The following WASHC4 variants were observed in gnomAD, a reference collection of about 807,000 sequenced individuals.
WASHC4 encodes WASH complex subunit 4.
In WASHC4, 86 loss-of-function variants were observed where a neutral mutation model predicts 166.6. The observed-to-expected ratio is 0.52, with a 90% CI of 0.43 to 0.62. The LOEUF (loss-of-function observed/expected upper bound fraction) is 0.62, where lower values mean the gene tolerates loss of function less well. WASHC4 is among the 20% of genes least tolerant of loss of function. WASHC4 has a pLI of 0.00. For missense variants in WASHC4, 1,262 were observed against 1,382.4 expected, an observed-to-expected ratio of 0.91 and a Z score of 1.38; for synonymous variants, 446 against 451.6, an observed-to-expected ratio of 0.99 and a Z score of 0.16.
intron 4 of WASHC4, 65 bp downstream of exon 4, chr12:105,114,492 A>G: frequency 3.0e-6 from 3 of 1,009,912 alleles, no homozygotes; most frequent in South Asian, 2.8e-5. Context: ...ATGTGTTTAT[A>G]TATGTACAGT....
At chr12:105,112,012 A>C (rs550587939) in intron 2 of WASHC4, among the ~76,000 whole-genome samples, 39 of 152,282 alleles carry the variant, frequency 2.6e-4, no homozygotes, top group South Asian at 8.3e-4. Context: ...CTCAGCCCCC[A>C]AAAAAGAAAC....
chr12:105,126,488 C>G, intron 12 of WASHC4, 126 bp downstream of exon 12: 1 of 737,086 alleles, frequency 1.4e-6, no homozygotes, highest in Non-Finnish European at 2.2e-6. Context: ...TTGTAAAATT[C>G]AAGTATTCCA....
At position 105,115,531 on chromosome 12, in the gene WASHC4, A is replaced by C. The variant is rs148191539; in HGVS notation, c.368-130A>C. 26 of 698,238 alleles carry C rather than the reference A, an allele frequency of 3.7e-5. No homozygotes were observed. The African/African-American group carries it at 4.7e-4, about 13-fold the overall frequency. 43.3% of individuals were successfully genotyped at this position (698,238 alleles called of 1,614,324 possible). ...GTCTGATTTTTCTCTTTGGTGTAAAAATTCTGTTTTCAATACTATGCAGAG... is the reference window on the plus strand; with the variant it reads ...GTCTGATTTTTCTCTTTGGTGTAAACATTCTGTTTTCAATACTATGCAGAG... On this transcript the variant is annotated intron_variant, in intron 5 of 32. Transcript: ENST00000332180.
At chr12:105,154,502 C>A (rs1883998808) in intron 26 of WASHC4, among the ~76,000 whole-genome samples, 1 of 152,146 alleles carries the variant, frequency 6.6e-6, no homozygotes, top group African/African-American at 2.4e-5. Context: ...TGTGCCATGG[C>A]TATTCTTAGT....
At chr12:105,126,990 C>T (rs2135753483) in intron 12 of WASHC4, 139 bp from the exon 13 acceptor site, 2 of 715,824 alleles carry the variant, frequency 2.8e-6, no homozygotes, top group Non-Finnish European at 4.8e-6. Flanking sequence ...ATATTTGTCT[C>T]ATAATATATT....
intron 30 of WASHC4, 79 bp downstream of exon 30, chr12:105,162,924 AGG>A: frequency 1.4e-6 from 1 of 737,846 alleles, no homozygotes; most frequent in Non-Finnish European, 2.3e-6. Context: ...GCTTGAGAAT[AGG>A]TCTATATGTT....
At position 105,111,248 on chromosome 12, in the gene WASHC4, A is replaced by G. The variant is rs747921897; in HGVS notation, c.185A>G (p.Asp62Gly). 3.1e-6 allele frequency: 5 copies of G among 1,607,310 alleles called. No homozygotes were observed. In the South Asian group the frequency reaches 4.4e-5, roughly 14 times the overall value. The change falls in exon 2 of 33, where the codon GAT becomes GGT. Residue 62 changes from aspartate to glycine, a missense_variant. Physicochemically the swap from Asp to Gly is moderately conservative, Grantham distance 94 (BLOSUM62 -1). Transcript: ENST00000332180. ...SIGDVWDFNL[D>G]PIALKLLPYE... is the part of the protein sequence containing the mutation. ...GGAGATGTTTGGGATTTCAATCTTG[A>G]TCCTATAGCATTAAAGGTTTGATTT...
Position 105,149,630 on chromosome 12 carries a change from C to A in WASHC4, c.2530C>A (p.Gln844Lys). ...IMNTTVNFTY[Q>K]FLKKKFYIFS... ...AATTTTATAGGTTAATTTCACCTAC[C>A]AGTTTTTGAAAAAGAAGTTCTATAT... Residue 844 changes from glutamine (Q) to lysine (K), a missense_variant, in exon 25 of 33, where the codon CAG (glutamine) becomes AAG (lysine). Coordinates refer to ENST00000332180, the MANE Select transcript of WASHC4 (RefSeq NM_015275.3). 1 of 1,466,070 alleles carries A rather than the reference C, an allele frequency of 6.8e-7. No homozygotes were observed. Among genetic ancestry groups the A allele is most frequent in the Non-Finnish European group, 9.5e-7 (1 of 1,056,698 alleles). The allele number at this position is 1,466,070 out of a possible 1,614,324, so 90.8% of individuals were successfully genotyped here. A position where few individuals can be genotyped will look rare whatever the true frequency, so the allele number is the denominator to read the frequency against.
At chr12:105,135,132 CTT>C in intron 14 of WASHC4, among the ~76,000 whole-genome samples, 1 of 151,970 alleles carries the variant, frequency 6.6e-6, no homozygotes, top group South Asian at 2.1e-4. Context: ...TTGTTGTGTA[CTT>C]TGAGTTCCTC....
intron 32 of WASHC4, among the ~76,000 whole-genome samples, 197 bp from the exon 33 acceptor site, chr12:105,166,667 T>C (rs769190334): frequency 1.6e-4 from 25 of 152,168 alleles, no homozygotes; most frequent in Non-Finnish European, 2.6e-4. Context: ...GTGGAAACAA[T>C]TGCAGTGTTT....
chr12:105,124,766 A>T (rs149818307), intron 10 of WASHC4, among the ~76,000 whole-genome samples: 18 of 152,316 alleles, frequency 1.2e-4, no homozygotes, highest in African/African-American at 4.1e-4. Flanking sequence ...GGCATGAGCC[A>T]CCATGCCCGG....
chr12:105,121,608 A>G (rs1880754465), intron 9 of WASHC4, among the ~76,000 whole-genome samples: 1 of 152,188 alleles, frequency 6.6e-6, no homozygotes, highest in African/African-American at 2.4e-5. Flanking sequence ...CCTGGGTTCA[A>G]GTGATTCTCC....
chr12:105,144,507 TTA>T, intron 21 of WASHC4, 52 bp downstream of exon 21: 1 of 1,394,164 alleles, frequency 7.2e-7, no homozygotes, highest in Non-Finnish European at 1.0e-6. Context: ...TTTTTTTTTT[TTA>T]CCCTACTGTT....
chr12:105,118,554 C>T, intron 7 of WASHC4, 26 bp downstream of exon 7: 1 of 1,399,406 alleles, frequency 7.1e-7, no homozygotes, highest in Non-Finnish European at 1.0e-6. Flanking sequence ...AATATTTTTG[C>T]TTTTATAATA....
intron 13 of WASHC4, among the ~76,000 whole-genome samples, chr12:105,132,797 T>TGTGTGTGTGTGTGTGTGTGTGTGTG (rs1379116707): frequency 3.2e-5 from 3 of 94,280 alleles, no homozygotes; most frequent in Non-Finnish European, 7.6e-5. Context: ...AGTGTGTGTG[T>TGTGTGTGTGTGTGTGTGTGTGTGTG]GTGTGTGTGT....
At chr12:105,162,965 T>C (rs760098997) in intron 30 of WASHC4, 120 bp downstream of exon 30, 35 of 608,594 alleles carry the variant, frequency 5.8e-5, no homozygotes, top group Non-Finnish European at 9.6e-5. Flanking sequence ...CTTTTTTCTT[T>C]TTTATTTTTT....
intron 27 of WASHC4, 122 bp from the exon 28 acceptor site, chr12:105,157,113 AT>A (rs1296824510): frequency 5.6e-5 from 37 of 656,208 alleles, no homozygotes. Context: ...TATTACTGAA[AT>A]GCACAGTTGT....
At chr12:105,144,483 T>C (rs751579813) in intron 21 of WASHC4, 28 bp downstream of exon 21, 1 of 1,572,716 alleles carries the variant, frequency 6.4e-7, no homozygotes, top group Non-Finnish European at 8.7e-7. Context: ...CTTCTTAGAG[T>C]CATATTCTCT....
chr12:105,143,353 G>C, intron 20 of WASHC4, 110 bp downstream of exon 20: 2 of 685,310 alleles, frequency 2.9e-6, no homozygotes, highest in South Asian at 3.1e-5. Context: ...TTTATAAATT[G>C]CTGGGTAGAA....
Sources: allele counts gnomAD v4.1 joint callset (sites outside exome capture counted in the v4.1 genomes callset), GRCh38; gene constraint gnomAD v4.1.1; transcripts MANE v1.5; gene names NCBI Gene and HGNC (gene_info 2026-07-23, HGNC 2026-07-21).